Variants in CORIN observed in about 807,000 individuals in gnomAD.
The protein encoded by CORIN is corin, serine peptidase, also known as atrial natriuretic peptide-converting enzyme.
A neutral mutation model predicts 125.3 loss-of-function variants in CORIN; 117 were observed. The observed-to-expected ratio is 0.93, with a 90% confidence interval of 0.80 to 1.09. The LOEUF is 1.09. Among genes scored for constraint, CORIN ranks in the 50% least tolerant of loss-of-function variants. The pLI is 0.00. For synonymous variants in CORIN, 450 were observed against 466.4 expected, an observed-to-expected ratio of 0.96 and a Z score of 0.45; for missense variants, 1,253 against 1,306.7, an observed-to-expected ratio of 0.96 and a Z score of 0.63.
At chr4:47,731,154 G>A (rs1318830711) in intron 5 of CORIN, among the ~76,000 whole-genome samples, 1 of 152,206 alleles carries the variant, frequency 6.6e-6, no homozygotes, top group Non-Finnish European at 1.5e-5. Context: ...GAACTACATT[G>A]TTATTGACTA....
chr4:47,765,236 G>A (rs1729666595), intron 3 of CORIN, among the ~76,000 whole-genome samples: 2 of 151,794 alleles, frequency 1.3e-5, no homozygotes, highest in African/African-American at 4.8e-5. Flanking sequence ...GTGTGAACCC[G>A]GGAGGCGGAG....
rs1038482935 is a variant in CORIN, at chr4:47,789,144, A to G, written c.209-2219T>C. ...GTGAAACCCCGTCTCTACTAAAAAT[A>G]CAAAATAAAATTAGCTGGGCATGGT... On this transcript the variant is annotated intron_variant, in intron 2 of 21. Coordinates refer to ENST00000273857, the MANE Select transcript of CORIN (RefSeq NM_006587.4). Among the ~76,000 whole-genome samples the G allele has an allele frequency of 4.0e-5, 6 of 151,816 alleles. No homozygotes were observed. In the East Asian group the frequency reaches 1.2e-3, roughly 29 times the overall value.
chr4:47,810,055 T>C (rs1560559637), intron 1 of CORIN, among the ~76,000 whole-genome samples: 1 of 152,206 alleles, frequency 6.6e-6, no homozygotes, highest in East Asian at 1.9e-4. Flanking sequence ...CAGCATTCCA[T>C]GGCAAGGGTA....
At chr4:47,637,506 T>C (rs1045619026) in intron 16 of CORIN, among the ~76,000 whole-genome samples, 6 of 152,198 alleles carry the variant, frequency 3.9e-5, no homozygotes, top group Non-Finnish European at 7.3e-5. Context: ...GTCCTTGTGC[T>C]GTGTGCAGCC....
intron 16 of CORIN, among the ~76,000 whole-genome samples, chr4:47,637,771 C>T (rs754531724): frequency 6.6e-6 from 1 of 152,196 alleles, no homozygotes; most frequent in African/African-American, 2.4e-5. Context: ...AGAACCTCTG[C>T]TAGGCAGTGT....
At chr4:47,799,433 T>A (rs1383248028) in intron 2 of CORIN, among the ~76,000 whole-genome samples, 1 of 152,156 alleles carries the variant, frequency 6.6e-6, no homozygotes, top group Admixed American at 6.5e-5. Flanking sequence ...TGTTGTTTTT[T>A]GACTTTTTCG....
At chr4:47,644,487 T>G (rs1723380392) in intron 14 of CORIN, among the ~76,000 whole-genome samples, 1 of 152,236 alleles carries the variant, frequency 6.6e-6, no homozygotes, top group African/African-American at 2.4e-5. Context: ...GGCTTTTCTG[T>G]TATTTGTAGG....
intron 2 of CORIN, among the ~76,000 whole-genome samples, chr4:47,798,018 T>C (rs947949941): frequency 1.3e-5 from 2 of 152,162 alleles, no homozygotes; most frequent in African/African-American, 4.8e-5. Flanking sequence ...TTTCAATTTC[T>C]CTTTGAAGAA....
At chr4:47,740,584 T>G (rs749146597) in intron 5 of CORIN, among the ~76,000 whole-genome samples, 2 of 152,106 alleles carry the variant, frequency 1.3e-5, no homozygotes, top group Middle Eastern at 6.8e-3. Context: ...TTTACATATG[T>G]AATCTTTATC....
chr4:47,729,217 G>A (rs1679537431), intron 5 of CORIN, among the ~76,000 whole-genome samples: 2 of 152,286 alleles, frequency 1.3e-5, no homozygotes, highest in South Asian at 4.2e-4. Context: ...GGACTTAAAA[G>A]TATTTTTAAA....
At position 47,661,710 on chromosome 4, in the gene CORIN, C is replaced by A. The variant is rs994671210; in HGVS notation, c.1735+1G>T. The A allele has an allele frequency of 1.0e-5, 16 of 1,606,542 alleles. No individual in the cohort carries two copies. The highest frequency in any genetic ancestry group is 1.4e-5 in the Non-Finnish European group (16 of 1,175,002). On this transcript the variant is annotated splice_donor_variant, in intron 12 of 21. Transcript: ENST00000273857. LOFTEE classifies it high-confidence loss of function. The stretch of plus-strand genomic sequence containing the variant: ...CTGCTGTAATTAATTTTAAAATTAA[C>A]CTTCCACATATTCATCAGGCATCAG...
intron 5 of CORIN, among the ~76,000 whole-genome samples, chr4:47,708,117 T>C (rs576627736): frequency 6.6e-5 from 10 of 152,276 alleles, no homozygotes; most frequent in Non-Finnish European, 1.3e-4. Flanking sequence ...TTAATATCAA[T>C]GCTCAAGAGG....
chr4:47,721,166 CAGAGAG>C (rs78663098), intron 5 of CORIN, among the ~76,000 whole-genome samples: 14,883 of 149,422 alleles, frequency 0.1, 843 homozygotes, highest in East Asian at 0.27. Context: ...CATGTACAGA[CAGAGAG>C]AGAGAGAGAG....
chr4:47,631,093 A>G (rs1722785894), intron 16 of CORIN, among the ~76,000 whole-genome samples: 1 of 152,148 alleles, frequency 6.6e-6, no homozygotes, highest in South Asian at 2.1e-4. Context: ...CAGTTAATTA[A>G]TTGCTATGTA....
intron 16 of CORIN, among the ~76,000 whole-genome samples, chr4:47,630,628 G>A (rs1316356181): frequency 2.0e-5 from 3 of 152,250 alleles, no homozygotes; most frequent in East Asian, 1.9e-4. Context: ...AGGCCCAATT[G>A]CCATTTGTCT....
chr4:47,805,175 A>C (rs1731734681), intron 2 of CORIN, among the ~76,000 whole-genome samples: 1 of 149,336 alleles, frequency 6.7e-6, no homozygotes, highest in Admixed American at 6.7e-5. Flanking sequence ...ATAATAATAG[A>C]GTATAATTGG....
At chr4:47,622,504 A>G (rs867348535) in intron 19 of CORIN, among the ~76,000 whole-genome samples, 26 of 151,116 alleles carry the variant, frequency 1.7e-4, no homozygotes, top group African/African-American at 6.1e-4. Flanking sequence ...CATCCTCTCC[A>G]GCACCTGTTG....
chr4:47,620,383 A>G (rs1044329206), intron 19 of CORIN, among the ~76,000 whole-genome samples: 2 of 152,266 alleles, frequency 1.3e-5, no homozygotes, highest in African/African-American at 4.8e-5. Flanking sequence ...TTTGGCTTAA[A>G]AAAAATGAGT....
Position 47,837,953 on chromosome 4 carries a change from T to C in CORIN, c.-4A>G. The C allele has an allele frequency of 6.2e-7, 1 of 1,612,400 alleles. No homozygotes were observed. Among genetic ancestry groups the C allele is most frequent in the Non-Finnish European group, 8.5e-7 (1 of 1,180,008 alleles). On this transcript the variant is annotated 5_prime_UTR_variant, in exon 1 of 22. Coordinates refer to ENST00000273857, the MANE Select transcript of CORIN (RefSeq NM_006587.4). ...CGAGGGCAGGAGACTGTTTCATGGA[T>C]AAAAAGTCTCGCTTATTCTTCTGTC...
Sources: gnomAD v4.1 joint callset for allele counts (sites outside exome capture counted in the v4.1 genomes callset) on GRCh38, gnomAD v4.1.1 for gene constraint, MANE v1.5 for transcripts, NCBI Gene and HGNC (gene_info 2026-07-23, HGNC 2026-07-21) for gene names.